Variants in NXN observed in about 807,000 individuals in gnomAD.
NXN encodes the protein nucleoredoxin.
In NXN, 16 loss-of-function variants were observed where a neutral mutation model predicts 48.6. That is an observed-to-expected ratio of 0.33 (90% CI 0.22 to 0.50). The LOEUF is 0.50. Among genes scored for constraint, NXN ranks in the 20% least tolerant of loss-of-function variants. The probability of loss-of-function intolerance (pLI) is 0.98; values close to 1 mark genes in which losing one functional copy is unlikely to be tolerated. For missense variants in NXN, 492 were observed against 605.5 expected, an observed-to-expected ratio of 0.81 and a Z score of 1.97; for synonymous variants, 281 against 269.6, an observed-to-expected ratio of 1.04 and a Z score of -0.41.
chr17:978,835 GCCCTCCCCTCCCCTC>G lies in NXN; in HGVS notation c.360+469_360+483del, dbSNP rs569206325. Among the ~76,000 whole-genome samples the G allele has an allele frequency of 5.9e-5, 9 of 151,314 alleles. No individual in the cohort carries two copies. The East Asian group carries it at 1.8e-3, about 30-fold the overall frequency. ...TGGGCGCCACGGGCGGGGGGCGTGC[GCCCTCCCCTCCCCTC>G]CCCTCCCCACTGTGGGAATCCGCGG... On this transcript the variant is annotated intron_variant, in intron 1 of 7. Transcript: ENST00000336868. This position sits in a 1 kb window ranked among gnomAD's most constrained non-coding sequence, Gnocchi z 4.1.
rs75875392 is a variant in NXN at position 813,451 on chromosome 17, C to T, written c.820+5988G>A. Among the ~76,000 whole-genome samples the T allele has an allele frequency of 9.1e-3, 1,381 of 152,332 alleles. 19 individuals carry two copies. The highest frequency in any genetic ancestry group is 0.031 in the African/African-American group (1,280 of 41,570). On this transcript the variant is annotated intron_variant, in intron 5 of 7. Transcript: ENST00000336868. ...AGGGCCATCGACGCGGACGGAATGC[C>T]GCACGTGGGGCTCAGCCCAACCTCG...
chr17:801,422 G>A (rs938505233), intron 7 of NXN, among the ~76,000 whole-genome samples: 6 of 143,604 alleles, frequency 4.2e-5, no homozygotes, highest in African/African-American at 1.5e-4. Flanking sequence ...TACGTCCTCA[G>A]CATTTTAGAA....
intron 1 of NXN, among the ~76,000 whole-genome samples, chr17:948,619 C>T (rs2069072258): frequency 6.6e-6 from 1 of 151,968 alleles, no homozygotes; most frequent in African/African-American, 2.4e-5. Flanking sequence ...GAAGATCAGC[C>T]AGGGGTGAAA....
chr17:913,893 ATTAT>A (rs1365656253), intron 1 of NXN, among the ~76,000 whole-genome samples: 1 of 152,150 alleles, frequency 6.6e-6, no homozygotes, highest in African/African-American at 2.4e-5. Context: ...TTTTTATTTT[ATTAT>A]TTATTTTTAT....
At chr17:803,426 C>T (rs1911310747) in intron 7 of NXN, among the ~76,000 whole-genome samples, 3 of 152,236 alleles carry the variant, frequency 2.0e-5, no homozygotes, top group South Asian at 4.1e-4. Context: ...GCCGCTCAGG[C>T]GGGAAGCAGC....
chr17:859,886 C>T lies in NXN; in HGVS notation c.361-33808G>A, dbSNP rs2068024421. Among the ~76,000 whole-genome samples the T allele has an allele frequency of 2.0e-5, 3 of 152,154 alleles. No homozygotes were observed. In the South Asian group the frequency reaches 6.2e-4, roughly 32 times the overall value. ...ATTAACAGAGGGAAGAGCAGGAACTCCAATCTGTTCTAATGTGTCTCCTCT... is the reference window on the plus strand; with the variant it reads ...ATTAACAGAGGGAAGAGCAGGAACTTCAATCTGTTCTAATGTGTCTCCTCT... On this transcript the variant is annotated intron_variant, in intron 1 of 7. Transcript: ENST00000336868.
chr17:805,006 T>C, intron 6 of NXN, 62 bp downstream of exon 6: 1 of 1,507,220 alleles, frequency 6.6e-7, no homozygotes, highest in Non-Finnish European at 9.0e-7. Flanking sequence ...TCCTCCCAAG[T>C]GAGGCCCCTC....
At chr17:927,580 CAAA>C (rs71371593) in intron 1 of NXN, among the ~76,000 whole-genome samples, 3 of 117,622 alleles carry the variant, frequency 2.6e-5, no homozygotes, top group Admixed American at 9.7e-5. Flanking sequence ...AACCTTGTCT[CAAA>C]AAAAAAAAAA....
intron 1 of NXN, among the ~76,000 whole-genome samples, chr17:967,025 A>T (rs2069313533): frequency 6.6e-6 from 1 of 152,024 alleles, no homozygotes. Flanking sequence ...TGTTGGGGTC[A>T]CTGGAAACAC....
At position 917,743 on chromosome 17, in the gene NXN, G is replaced by A. The variant is rs530191892; in HGVS notation, c.360+61576C>T. Among the ~76,000 whole-genome samples, 10 of 152,316 alleles carry A rather than the reference G, an allele frequency of 6.6e-5. No individual in the cohort carries two copies. The highest frequency in any genetic ancestry group is 2.1e-4 in the South Asian group (1 of 4,832). The stretch of plus-strand genomic sequence containing the variant: ...CCCAGGTTCCAGCCCTACAAGGGGC[G>A]CGTACTGGCACAACAGGCGGGCGTG... On this transcript the variant is annotated intron_variant, in intron 1 of 7. Transcript: ENST00000336868. This position sits in a 1 kb window ranked among gnomAD's most constrained non-coding sequence, Gnocchi z 4.5.
chr17:844,545 T>A (rs2067838741), intron 1 of NXN, among the ~76,000 whole-genome samples: 2 of 152,208 alleles, frequency 1.3e-5, no homozygotes, highest in Non-Finnish European at 2.9e-5. Flanking sequence ...AATACAAATA[T>A]ATGGTAGGTT....
intron 1 of NXN, among the ~76,000 whole-genome samples, chr17:914,337 T>C (rs1290817009): frequency 2.8e-5 from 4 of 143,468 alleles, no homozygotes; most frequent in African/African-American, 1.0e-4. Flanking sequence ...GCCCAGCTAA[T>C]TTTTGTATTT....
At position 849,833 on chromosome 17, in the gene NXN, C is replaced by T. The variant is rs977565840; in HGVS notation, c.361-23755G>A. Among the ~76,000 whole-genome samples the T allele has an allele frequency of 1.7e-4, 26 of 152,050 alleles. No homozygotes were observed. The highest frequency in any genetic ancestry group is 3.4e-4 in the Non-Finnish European group (23 of 68,024). On this transcript the variant is annotated intron_variant, in intron 1 of 7. Coordinates refer to ENST00000336868, the MANE Select transcript of NXN (RefSeq NM_022463.5). The surrounding 1 kb of genome is among the most constrained non-coding windows in gnomAD (Gnocchi z 4.2). ...GGACAGCAGAGAGAAATGGAGCTGA[C>T]GGAGAGGAGGACAGATAAGGAGGGG... is the stretch of plus-strand genomic sequence containing the variant.
intron 3 of NXN, among the ~76,000 whole-genome samples, chr17:823,131 G>C (rs1912905900): frequency 6.7e-6 from 1 of 148,426 alleles, no homozygotes; most frequent in African/African-American, 2.5e-5. Flanking sequence ...AGGCACGATG[G>C]TTCATGCTTG....
At chr17:864,260 C>A in intron 1 of NXN, 1 of 1,134,580 alleles carries the variant, frequency 8.8e-7, no homozygotes, top group Non-Finnish European at 1.3e-6. Flanking sequence ...TGAAATTTCC[C>A]AAGATAAAAA....
At chr17:895,804 G>GGCAGAGCGAGACTCCA (rs1340225558) in intron 1 of NXN, among the ~76,000 whole-genome samples, 1 of 1,808 alleles carries the variant, frequency 5.5e-4, no homozygotes, top group Non-Finnish European at 3.0e-3. Flanking sequence ...GGTTTTGTTT[G>GGCAGAGCGAGACTCCA]TCTCAAAAAC....
intron 1 of NXN, among the ~76,000 whole-genome samples, chr17:827,173 G>C (rs571632076): frequency 6.6e-6 from 1 of 152,236 alleles, no homozygotes; most frequent in Admixed American, 6.5e-5. Flanking sequence ...GTGGAACCCC[G>C]TCTCTACTTA....
At chr17:872,404 C>G (rs530820608) in intron 1 of NXN, among the ~76,000 whole-genome samples, 1 of 148,456 alleles carries the variant, frequency 6.7e-6, no homozygotes, top group East Asian at 2.0e-4. Flanking sequence ...AACACATCAA[C>G]GACAAGGAGA....
At chr17:977,939 T>C (rs2069481135) in intron 1 of NXN, among the ~76,000 whole-genome samples, 1 of 152,218 alleles carries the variant, frequency 6.6e-6, no homozygotes, top group Admixed American at 6.5e-5. Flanking sequence ...AGTGAACCTA[T>C]GTTTTCCCAA....
Sources: allele counts gnomAD v4.1 joint callset (sites outside exome capture counted in the v4.1 genomes callset), GRCh38; gene constraint gnomAD v4.1.1; non-coding constraint Gnocchi (gnomAD v3.1); transcripts MANE v1.5; gene names NCBI Gene and HGNC (gene_info 2026-07-23, HGNC 2026-07-21).